Variants in HBP1 observed in about 807,000 individuals in gnomAD.
HBP1 encodes the protein HMG box-containing protein 1.
Under a neutral mutation model 62.6 loss-of-function variants are expected in HBP1, and 20 were observed. That is an observed-to-expected ratio of 0.32 (90% CI 0.22 to 0.46). HBP1 has a LOEUF of 0.46. HBP1 is among the 20% of genes least tolerant of loss of function. The probability of loss-of-function intolerance (pLI) is 1.00; values close to 1 mark genes in which losing one functional copy is unlikely to be tolerated. For synonymous variants in HBP1, 232 were observed against 206.2 expected, an observed-to-expected ratio of 1.12 and a Z score of -1.07; for missense variants, 480 against 611.8, an observed-to-expected ratio of 0.78 and a Z score of 2.27.
chr7:107,201,546 C>CTGA lies in HBP1; in HGVS notation c.*117_*119dup. Reference sequence around the variant, plus strand: ...CCTCAATTCGTGTGACCATAAGATACTGATAGCATTGAGTCTTGAAATGAT... The same window carrying CTGA: ...CCTCAATTCGTGTGACCATAAGATACTGATGATAGCATTGAGTCTTGAAATGAT... On this transcript the variant is annotated 3_prime_UTR_variant, in exon 11 of 11. Transcript: ENST00000222574. 1.0e-5 allele frequency: 6 copies of CTGA among 591,394 alleles called. No homozygotes were observed. In the South Asian group the frequency reaches 1.5e-4, roughly 15 times the overall value. 36.6% of individuals were successfully genotyped at this position (591,394 alleles called of 1,614,324 possible). A position where few individuals can be genotyped will look rare whatever the true frequency, so the allele number is the denominator to read the frequency against.
intron 9 of HBP1, among the ~76,000 whole-genome samples, chr7:107,199,688 TAACA>T (rs1408545134): frequency 1.3e-5 from 2 of 152,188 alleles, no homozygotes; most frequent in Non-Finnish European, 2.9e-5. Context: ...CATAGCAGAG[TAACA>T]AACAGGAGAA....
chr7:107,189,968 A>C (rs1797570377), intron 7 of HBP1: 1 of 428,442 alleles, frequency 2.3e-6, no homozygotes, highest in East Asian at 3.7e-5. Context: ...ATGCTGAACA[A>C]TAAGCTAGTT....
intron 8 of HBP1, among the ~76,000 whole-genome samples, chr7:107,191,354 GGACT>G (rs1797638428): frequency 6.6e-6 from 1 of 152,058 alleles, no homozygotes; most frequent in African/African-American, 2.4e-5. Context: ...AAAATTTTAA[GGACT>G]GATACTTAGG....
intron 1 of HBP1, chr7:107,173,598 A>G (rs1248308108): frequency 1.3e-5 from 2 of 152,204 alleles, no homozygotes; most frequent in Non-Finnish European, 2.9e-5. Flanking sequence ...GTAGGTAAGC[A>G]TTTTGTAAAA....
intron 9 of HBP1, chr7:107,196,607 G>T (rs996693332): frequency 4.0e-6 from 1 of 251,150 alleles, no homozygotes; most frequent in Non-Finnish European, 8.0e-6. Context: ...GGAATTTTTA[G>T]GGTTATATGT....
At chr7:107,186,510 A>C in intron 5 of HBP1, 38 bp downstream of exon 5, 1 of 1,571,712 alleles carries the variant, frequency 6.4e-7, no homozygotes. Flanking sequence ...TGAATTTTCC[A>C]CAGCTTACTT....
intron 2 of HBP1, among the ~76,000 whole-genome samples, chr7:107,181,480 A>AT (rs1007724947): frequency 2.2e-4 from 32 of 148,824 alleles, no homozygotes; most frequent in South Asian, 6.3e-4. Flanking sequence ...TCAAAAAAAA[A>AT]TTTTTTTTTT....
At position 107,199,660 on chromosome 7, in the gene HBP1, G is replaced by C. The variant is rs553822995; in HGVS notation, c.1386-500G>C. Among the ~76,000 whole-genome samples, 15 of 152,282 alleles carry C rather than the reference G, an allele frequency of 9.9e-5. No homozygotes were observed. In the South Asian group the frequency reaches 3.1e-3, roughly 32 times the overall value. On this transcript the variant is annotated intron_variant, in intron 9 of 10. Transcript: ENST00000222574. ...GGTTTACATCTGTGTGCCTAGGTGA[G>C]ACTGTTTTAGTAGGTTTCATAGCAG... is the stretch of plus-strand genomic sequence containing the variant.
At chr7:107,170,191 G>T in intron 1 of HBP1, 2 of 939,330 alleles carry the variant, frequency 2.1e-6, no homozygotes, top group Non-Finnish European at 1.3e-6. Context: ...ATGCCAGGAC[G>T]AGAGGAGGCT....
rs1797022429 is a variant in HBP1 at position 107,179,751 on chromosome 7, G to A, written c.-15-128G>A. The A allele has an allele frequency of 7.4e-6, 4 of 539,062 alleles. No individual in the cohort carries two copies. In the East Asian group the frequency reaches 1.2e-4, roughly 16 times the overall value. 33.4% of individuals were successfully genotyped at this position (539,062 alleles called of 1,614,324 possible). On this transcript the variant is annotated intron_variant, in intron 1 of 10. Transcript: ENST00000222574. ...CACGCCACTGCACTGCAGTCTGGGT[G>A]ACAGAGTGTGACTATGTCTCAAAAA... is the stretch of plus-strand genomic sequence containing the variant.
At chr7:107,171,814 C>G (rs971950771) in intron 1 of HBP1, among the ~76,000 whole-genome samples, 8 of 140,594 alleles carry the variant, frequency 5.7e-5, no homozygotes, top group African/African-American at 2.1e-4. Flanking sequence ...GAGACAAGAT[C>G]AGGCCACTGT....
chr7:107,177,168 C>A (rs187951964), intron 1 of HBP1, among the ~76,000 whole-genome samples: 12 of 152,232 alleles, frequency 7.9e-5, no homozygotes, highest in African/African-American at 2.9e-4. Flanking sequence ...TATTTCATTT[C>A]ATCTTCACAA....
intron 1 of HBP1, among the ~76,000 whole-genome samples, chr7:107,171,879 G>T (rs6942927): frequency 1.6e-5 from 2 of 125,464 alleles, no homozygotes; most frequent in Non-Finnish European, 3.4e-5. Context: ...AAAAAAAAAA[G>T]AGTCAATGCC....
intron 2 of HBP1, 143 bp from the exon 3 acceptor site, chr7:107,182,230 T>C: frequency 1.6e-6 from 1 of 609,504 alleles, no homozygotes; most frequent in Non-Finnish European, 2.9e-6. Flanking sequence ...TTTTCCAGTC[T>C]GTGAACAGAA....
At chr7:107,171,974 G>C (rs1796621855) in intron 1 of HBP1, among the ~76,000 whole-genome samples, 1 of 149,260 alleles carries the variant, frequency 6.7e-6, no homozygotes, top group African/African-American at 2.5e-5. Context: ...AAAAATTAAA[G>C]CTGCCAGATA....
chr7:107,198,998 G>GTGTC (rs1172930076), intron 9 of HBP1, among the ~76,000 whole-genome samples: 1 of 152,022 alleles, frequency 6.6e-6, no homozygotes, highest in Non-Finnish European at 1.5e-5. Flanking sequence ...TTGTTTAAAT[G>GTGTC]TGTCAACCAT....
chr7:107,178,699 T>C (rs1385860031), intron 1 of HBP1, among the ~76,000 whole-genome samples: 2 of 152,228 alleles, frequency 1.3e-5, no homozygotes, highest in Non-Finnish European at 2.9e-5. Flanking sequence ...AATTGTAATA[T>C]ATGACCATTT....
intron 7 of HBP1, 77 bp from the exon 8 acceptor site, chr7:107,190,096 T>C (rs930751969): frequency 4.3e-5 from 44 of 1,019,968 alleles, no homozygotes; most frequent in South Asian, 7.8e-5. Context: ...TTTTAAGATA[T>C]AGAAATGATA....
intron 3 of HBP1, among the ~76,000 whole-genome samples, chr7:107,184,141 C>T (rs567945734): frequency 6.6e-6 from 1 of 152,182 alleles, no homozygotes; most frequent in South Asian, 2.1e-4. Context: ...AACAGAAGAA[C>T]TGATAAAACT....
Sources: allele counts gnomAD v4.1 joint callset (sites outside exome capture counted in the v4.1 genomes callset), GRCh38; gene constraint gnomAD v4.1.1; transcripts MANE v1.5; gene names NCBI Gene and HGNC (gene_info 2026-07-23, HGNC 2026-07-21).